The following SNTG2 variants were observed in gnomAD, a reference collection of about 807,000 sequenced individuals.
The protein encoded by SNTG2 is gamma-2-syntrophin.
SNTG2 carries 74 observed loss-of-function variants against 70.9 expected under a neutral mutation model. That is an observed-to-expected ratio of 1.04 (90% CI 0.86 to 1.27). SNTG2 has a LOEUF of 1.27. SNTG2 is among the 50% of genes most tolerant of loss of function. The pLI is 0.00. For synonymous variants in SNTG2, 278 were observed against 273.8 expected (o/e 1.02, Z -0.15); for missense variants, 717 against 690.7 (o/e 1.04, Z -0.43).
intron 1 of SNTG2, among the ~76,000 whole-genome samples, chr2:1,012,294 G>T (rs542953834): frequency 6.6e-6 from 1 of 152,160 alleles, no homozygotes; most frequent in Non-Finnish European, 1.5e-5. Flanking sequence ...TTGAAATAAC[G>T]TTGTTCATCT....
chr2:994,029 A>G (rs1005858099), intron 1 of SNTG2, among the ~76,000 whole-genome samples: 1 of 151,956 alleles, frequency 6.6e-6, no homozygotes, highest in African/African-American at 2.4e-5. Flanking sequence ...TACTTTTGCT[A>G]TAGTTTTTTT....
In SNTG2 at chr2:1,365,663, A is replaced by G. The variant is rs544046093; in HGVS notation, c.1489-1680A>G. On this transcript the variant is annotated intron_variant, in intron 16 of 16. Coordinates refer to ENST00000308624, the MANE Select transcript of SNTG2 (RefSeq NM_018968.4). Reference sequence around the variant, plus strand: ...CACAGCTGGTCACACCAATGTAGGCATCTTGGCCTCCCTCTCCCTGTCATC... The same window carrying G: ...CACAGCTGGTCACACCAATGTAGGCGTCTTGGCCTCCCTCTCCCTGTCATC... Among the ~76,000 whole-genome samples, 3 of 152,214 alleles carry G rather than the reference A, an allele frequency of 2.0e-5. No individual in the cohort carries two copies. In the South Asian group the frequency reaches 6.2e-4, roughly 32 times the overall value.
Position 1,333,171 on chromosome 2 carries a change from G to A in SNTG2, c.1488+16796G>A, listed in dbSNP as rs185328892. ...TATACACCAATAATGACCAAGCTTA[G>A]AATTAAATCAAGAACTCAATCGCTT... On this transcript the variant is annotated intron_variant, in intron 16 of 16. Coordinates refer to ENST00000308624, the MANE Select transcript of SNTG2 (RefSeq NM_018968.4). Among the ~76,000 whole-genome samples, 229 of 152,242 alleles carry A rather than the reference G, an allele frequency of 1.5e-3. 2 individuals are homozygous for A. Among genetic ancestry groups the A allele is most frequent in the Non-Finnish European group, 2.8e-3 (192 of 67,996 alleles).
intron 16 of SNTG2, among the ~76,000 whole-genome samples, chr2:1,321,480 G>C (rs1464112080): frequency 6.6e-6 from 1 of 152,184 alleles, no homozygotes; most frequent in African/African-American, 2.4e-5. Flanking sequence ...CCACGGAGGG[G>C]GTGGCAGACC....
intron 4 of SNTG2, among the ~76,000 whole-genome samples, chr2:1,117,079 GGGTGCCCCGGTGTACA>G (rs1343890531): frequency 1.2e-3 from 180 of 151,162 alleles, no homozygotes; most frequent in African/African-American, 3.8e-3. Context: ...CCCAATATGT[GGGTGCCCCGGTGTACA>G]GGTGCCCCGG....
intron 6 of SNTG2, among the ~76,000 whole-genome samples, chr2:1,162,071 CAAAAAAAAA>C (rs58579024): frequency 4.5e-5 from 4 of 89,800 alleles, no homozygotes; most frequent in African/African-American, 1.7e-4. Context: ...GACTCCGTCT[CAAAAAAAAA>C]AAAAAAAAAA....
intron 7 of SNTG2, among the ~76,000 whole-genome samples, chr2:1,170,405 G>A (rs559282743): frequency 2.0e-5 from 3 of 152,194 alleles, no homozygotes; most frequent in South Asian, 2.1e-4. Flanking sequence ...CCCAGCCCTC[G>A]GCAGCCGGGA....
At chr2:1,119,635 A>G (rs1667258345) in intron 4 of SNTG2, among the ~76,000 whole-genome samples, 1 of 151,938 alleles carries the variant, frequency 6.6e-6, no homozygotes, top group East Asian at 1.9e-4. Flanking sequence ...TAAGCTTCAT[A>G]ATATCCACAA....
At chr2:1,218,555 A>G (rs1287945999) in intron 9 of SNTG2, among the ~76,000 whole-genome samples, 1 of 152,248 alleles carries the variant, frequency 6.6e-6, no homozygotes, top group Non-Finnish European at 1.5e-5. Flanking sequence ...GCTCCTGCCC[A>G]TAGCATGTGT....
intron 1 of SNTG2, among the ~76,000 whole-genome samples, chr2:1,078,554 G>A (rs11896376): frequency 0.57 from 86,132 of 151,506 alleles, 24,774 homozygotes; most frequent in East Asian, 0.68. Flanking sequence ...CAGCTGGACA[G>A]GGGACAGGGA....
chr2:1,269,094 T>C (rs777734286), intron 14 of SNTG2, among the ~76,000 whole-genome samples: 2 of 152,170 alleles, frequency 1.3e-5, no homozygotes, highest in Non-Finnish European at 2.9e-5. Context: ...TACCCAGATG[T>C]AGTGAAATGA....
chr2:1,071,066 G>C (rs1265842065), intron 1 of SNTG2, among the ~76,000 whole-genome samples: 1 of 152,250 alleles, frequency 6.6e-6, no homozygotes, highest in East Asian at 1.9e-4. Flanking sequence ...AGAGGACACA[G>C]AAGCCTCGGG....
intron 1 of SNTG2, among the ~76,000 whole-genome samples, chr2:1,006,706 A>G (rs1187560981): frequency 2.6e-5 from 4 of 152,150 alleles, no homozygotes; most frequent in African/African-American, 9.7e-5. Context: ...ATTGTGGTAG[A>G]TAGAAGTAAT....
intron 16 of SNTG2, among the ~76,000 whole-genome samples, chr2:1,354,995 A>C (rs1204791648): frequency 6.6e-6 from 1 of 152,164 alleles, no homozygotes; most frequent in Non-Finnish European, 1.5e-5. Context: ...CGATTTCTTC[A>C]TGTGTGAAAC....
chr2:1,125,875 C>T (rs1667669796), intron 4 of SNTG2, among the ~76,000 whole-genome samples: 1 of 151,856 alleles, frequency 6.6e-6, no homozygotes, highest in South Asian at 2.1e-4. Context: ...TTTTAATTAA[C>T]ACATAATTGT....
At chr2:1,167,186 G>T (rs1670769404) in intron 7 of SNTG2, among the ~76,000 whole-genome samples, 2 of 151,998 alleles carry the variant, frequency 1.3e-5, no homozygotes, top group African/African-American at 4.8e-5. Context: ...TGGCAGAACT[G>T]AAACCTACAG....
At chr2:1,140,903 C>T (rs1462827909) in intron 6 of SNTG2, among the ~76,000 whole-genome samples, 1 of 152,180 alleles carries the variant, frequency 6.6e-6, no homozygotes, top group Non-Finnish European at 1.5e-5. Context: ...TAAATTAGTC[C>T]TTTTAAAAAA....
intron 16 of SNTG2, chr2:1,341,760 G>A (rs1192346477): frequency 6.6e-6 from 1 of 152,198 alleles, no homozygotes; most frequent in Non-Finnish European, 1.5e-5. Flanking sequence ...GCAGCTTCTG[G>A]GGCCCTCAGC....
chr2:1,036,028 G>A (rs1483703621), intron 1 of SNTG2, among the ~76,000 whole-genome samples: 1 of 152,150 alleles, frequency 6.6e-6, no homozygotes, highest in East Asian at 1.9e-4. Context: ...TGGTAGTGAT[G>A]ATAGTGGAAA....
Sources: allele counts gnomAD v4.1 joint callset (sites outside exome capture counted in the v4.1 genomes callset), GRCh38; gene constraint gnomAD v4.1.1; transcripts MANE v1.5; gene names NCBI Gene and HGNC (gene_info 2026-07-23, HGNC 2026-07-21).